Variants in PRKN observed in about 807,000 individuals in gnomAD.
PRKN encodes the protein E3 ubiquitin-protein ligase parkin.
A neutral mutation model predicts 59.5 loss-of-function variants in PRKN; 56 were observed. The ratio of observed to expected loss-of-function variants is 0.94; its 90% CI spans 0.76 to 1.18. The LOEUF (loss-of-function observed/expected upper bound fraction) is 1.18. Among genes scored for constraint, PRKN ranks in the 50% most tolerant of loss-of-function variants. The pLI is 0.00. For missense variants in PRKN, 657 were observed against 596.4 expected, an observed-to-expected ratio of 1.10 and a Z score of -1.06; for synonymous variants, 250 against 222.1, an observed-to-expected ratio of 1.13 and a Z score of -1.12.
intron 2 of PRKN, among the ~76,000 whole-genome samples, chr6:162,409,665 A>G (rs916065872): frequency 6.6e-6 from 1 of 152,238 alleles, no homozygotes; most frequent in African/African-American, 2.4e-5. Flanking sequence ...TTGTATTACT[A>G]GTTATAAATT....
intron 1 of PRKN, among the ~76,000 whole-genome samples, chr6:162,681,665 T>C (rs1343822927): frequency 6.6e-6 from 1 of 152,076 alleles, no homozygotes; most frequent in Non-Finnish European, 1.5e-5. Context: ...AGCCTCTGAT[T>C]GATTGCATAA....
intron 6 of PRKN, among the ~76,000 whole-genome samples, chr6:161,939,507 A>C (rs1006353319): frequency 6.6e-6 from 1 of 150,550 alleles, no homozygotes; most frequent in African/African-American, 2.4e-5. Flanking sequence ...CGAGGCAGGC[A>C]GCTCACTTAA....
At chr6:162,128,352 G>T (rs1781203299) in intron 4 of PRKN, among the ~76,000 whole-genome samples, 1 of 152,122 alleles carries the variant, frequency 6.6e-6, no homozygotes, top group African/African-American at 2.4e-5. Flanking sequence ...TTTTTAAGGG[G>T]TCATACAGCC....
rs2114956271 is a variant in PRKN, at chr6:161,391,607, G to T, written c.1084-4730C>A. ...AGAGTTTATGTATTAACTTGGCTAG[G>T]CTATGGTCCTCAGTTACTCAAGCAG... On this transcript the variant is annotated intron_variant, in intron 9 of 11. Transcript: ENST00000366898. The surrounding 1 kb of genome is among the most constrained non-coding windows in gnomAD (Gnocchi z 4.9). Among the ~76,000 whole-genome samples the T allele has an allele frequency of 6.6e-6, 1 of 152,080 alleles. No individual in the cohort carries two copies. Among genetic ancestry groups the T allele is most frequent in the South Asian group, 2.1e-4 (1 of 4,820 alleles).
intron 9 of PRKN, among the ~76,000 whole-genome samples, chr6:161,430,065 T>C (rs896268514): frequency 6.6e-6 from 1 of 152,128 alleles, no homozygotes; most frequent in African/African-American, 2.4e-5. Context: ...ATGGCATGGG[T>C]TGCATTACAG....
chr6:162,078,081 G>A (rs1778907754), intron 4 of PRKN, among the ~76,000 whole-genome samples: 2 of 151,560 alleles, frequency 1.3e-5, no homozygotes, highest in Non-Finnish European at 2.9e-5. Context: ...ATAGCATATG[G>A]GATAAGTTGA....
chr6:162,215,644 T>G (rs73596212), intron 3 of PRKN, among the ~76,000 whole-genome samples: 1 of 152,320 alleles, frequency 6.6e-6, no homozygotes, highest in African/African-American at 2.4e-5. Flanking sequence ...AGTCTTATTT[T>G]AATAGTATTA....
At chr6:162,010,368 T>C (rs1240854657) in intron 5 of PRKN, among the ~76,000 whole-genome samples, 6 of 115,316 alleles carry the variant, frequency 5.2e-5, no homozygotes, top group Admixed American at 4.8e-4. Flanking sequence ...ATATGTAATA[T>C]ACATTTATAA....
At chr6:162,079,207 G>A (rs146243986) in intron 4 of PRKN, among the ~76,000 whole-genome samples, 4 of 152,188 alleles carry the variant, frequency 2.6e-5, no homozygotes, top group Admixed American at 2.0e-4. Flanking sequence ...AGCGGAACAC[G>A]AATTTGTAGT....
chr6:161,614,399 A>G (rs1307374243), intron 7 of PRKN, among the ~76,000 whole-genome samples: 1 of 152,248 alleles, frequency 6.6e-6, no homozygotes, highest in Admixed American at 6.5e-5. Flanking sequence ...AACAAAGAGA[A>G]ACAGATTTGA....
Position 161,385,170 on chromosome 6 carries a change from C to T in PRKN, c.1167+1624G>A, listed in dbSNP as rs1179964557. ...ATCTCAATCTCTTGACCTCATGATC[C>T]GCCCACCTCGGCCTCCCAAAGTGCT... On this transcript the variant is annotated intron_variant, in intron 10 of 11. Transcript: ENST00000366898. The surrounding 1 kb of genome is among the most constrained non-coding windows in gnomAD (Gnocchi z 4.9). Among the ~76,000 whole-genome samples, 9 of 151,370 alleles carry T rather than the reference C, an allele frequency of 5.9e-5. No homozygotes were observed. The highest frequency in any genetic ancestry group is 1.9e-4 in the East Asian group (1 of 5,174).
intron 9 of PRKN, among the ~76,000 whole-genome samples, chr6:161,496,938 T>C (rs1020248263): frequency 6.6e-6 from 1 of 152,192 alleles, no homozygotes; most frequent in African/African-American, 2.4e-5. Context: ...TGGAGGCACC[T>C]TGATTTCAGA....
chr6:162,570,948 T>C (rs1019309856), intron 1 of PRKN, among the ~76,000 whole-genome samples: 1 of 152,188 alleles, frequency 6.6e-6, no homozygotes, highest in East Asian at 1.9e-4. Flanking sequence ...ATTGGATTGT[T>C]TGTAACTCAA....
At position 161,550,578 on chromosome 6, in the gene PRKN, G is replaced by A. The variant is rs561568735; in HGVS notation, c.934-1575C>T. On this transcript the variant is annotated intron_variant, in intron 8 of 11. Coordinates refer to ENST00000366898, the MANE Select transcript of PRKN (RefSeq NM_004562.3). The surrounding 1 kb of genome is among the most constrained non-coding windows in gnomAD (Gnocchi z 4.0). ...GTTTGAATTCTGGGTATAAATTAAA[G>A]GGAGAAGTTGCAGAATTTTCAGTCA... Among the ~76,000 whole-genome samples the A allele has an allele frequency of 2.9e-4, 44 of 152,268 alleles. No individual in the cohort carries two copies. The East Asian group carries it at 6.0e-3, about 21-fold the overall frequency.
intron 6 of PRKN, among the ~76,000 whole-genome samples, chr6:161,833,956 T>C (rs984742595): frequency 2.0e-5 from 3 of 152,152 alleles, no homozygotes; most frequent in Admixed American, 2.0e-4. Flanking sequence ...GGAAGCTATG[T>C]CTCAGAATCT....
rs1397572499 is a variant in PRKN at position 161,533,725 on chromosome 6, T to C, written c.1083+15129A>G. 6.6e-6 allele frequency among the ~76,000 whole-genome samples: 1 copy of C among 151,860 alleles called. No individual in the cohort carries two copies. Among genetic ancestry groups the C allele is most frequent in the Non-Finnish European group, 1.5e-5 (1 of 67,958 alleles). On this transcript the variant is annotated intron_variant, in intron 9 of 11. Transcript: ENST00000366898. This position sits in a 1 kb window ranked among gnomAD's most constrained non-coding sequence, Gnocchi z 4.1. ...CTTAACCCTTTTTTTCAGACATCTCTCTCTCTTGCAAGGAGCTGCCCTCCT... is the reference window on the plus strand; with the variant it reads ...CTTAACCCTTTTTTTCAGACATCTCCCTCTCTTGCAAGGAGCTGCCCTCCT...
intron 1 of PRKN, among the ~76,000 whole-genome samples, chr6:162,625,427 T>C (rs1782843876): frequency 6.6e-6 from 1 of 152,222 alleles, no homozygotes; most frequent in African/African-American, 2.4e-5. Flanking sequence ...GATGCTGAAC[T>C]TGGTCTTGTC....
chr6:161,569,220 C>T (rs1780773922), intron 8 of PRKN, 135 bp downstream of exon 8: 3 of 761,232 alleles, frequency 3.9e-6, no homozygotes, highest in Non-Finnish European at 4.7e-6. Context: ...ACACATATCT[C>T]CAGCATGGTT....
At position 161,401,386 on chromosome 6, in the gene PRKN, A is replaced by T. The variant is rs142554607; in HGVS notation, c.1084-14509T>A. On this transcript the variant is annotated intron_variant, in intron 9 of 11. Coordinates refer to ENST00000366898, the MANE Select transcript of PRKN (RefSeq NM_004562.3). This position sits in a 1 kb window ranked among gnomAD's most constrained non-coding sequence, Gnocchi z 4.4. ...AGCACTTTGGGAAGCCAAGGTGGGC[A>T]GATCACCTGAGGTTAGGAGTTTGAG... Among the ~76,000 whole-genome samples, 1,911 of 152,220 alleles carry T rather than the reference A, an allele frequency of 0.013. 38 individuals are homozygous for T. Among genetic ancestry groups the T allele is most frequent in the African/African-American group, 0.044 (1,818 of 41,526 alleles).
Sources: allele counts gnomAD v4.1 joint callset (sites outside exome capture counted in the v4.1 genomes callset), GRCh38; gene constraint gnomAD v4.1.1; non-coding constraint Gnocchi (gnomAD v3.1); transcripts MANE v1.5; gene names NCBI Gene and HGNC (gene_info 2026-07-23, HGNC 2026-07-21).